The following SH3BP5 variants were observed in gnomAD, a reference collection of about 807,000 sequenced individuals.
SH3BP5 encodes the protein SH3 domain-binding protein 5.
Under a neutral mutation model 43.3 loss-of-function variants are expected in SH3BP5, and 22 were observed. The ratio of observed to expected loss-of-function variants is 0.51; its 90% CI spans 0.36 to 0.73. The LOEUF is 0.73. Ranked by LOEUF, SH3BP5 falls within the 30% of genes least tolerant of loss-of-function variation. The pLI, the probability that SH3BP5 is intolerant of heterozygous loss-of-function variation, is 0.00. For missense variants in SH3BP5, 529 were observed against 586.9 expected, an observed-to-expected ratio of 0.90 and a Z score of 1.02; for synonymous variants, 255 against 225.8, an observed-to-expected ratio of 1.13 and a Z score of -1.16.
chr3:15,255,641 G>GC lies in SH3BP5; in HGVS notation c.*444_*445insG, dbSNP rs1246101717. 1 of 153,636 alleles carries GC rather than the reference G, an allele frequency of 6.5e-6. No individual in the cohort carries two copies. The highest frequency in any genetic ancestry group is 1.4e-5 in the Non-Finnish European group (1 of 69,464). The allele number at this position is 153,636 out of a possible 1,614,324, so 9.5% of individuals were successfully genotyped here. On this transcript the variant is annotated 3_prime_UTR_variant, in exon 9 of 9. Transcript: ENST00000383791. The stretch of plus-strand genomic sequence containing the variant: ...CTCTTAATACTTGAGTTTTTGCTTT[G>GC]TGTGTGGGTTTTCTTTCTTTTTCAT...
intron 3 of SH3BP5, among the ~76,000 whole-genome samples, chr3:15,301,753 C>T (rs1000390618): frequency 4.6e-5 from 7 of 152,082 alleles, no homozygotes; most frequent in East Asian, 1.9e-4. Context: ...GGCAGGAGCA[C>T]GTTTCACATC....
At chr3:15,266,420 T>C (rs1175415486) in intron 4 of SH3BP5, among the ~76,000 whole-genome samples, 1 of 152,054 alleles carries the variant, frequency 6.6e-6, no homozygotes, top group African/African-American at 2.4e-5. Context: ...TTCGTGCCTC[T>C]CATTTCCAAG....
intron 2 of SH3BP5, among the ~76,000 whole-genome samples, chr3:15,317,241 G>A (rs1327073728): frequency 6.6e-6 from 1 of 152,184 alleles, no homozygotes; most frequent in Admixed American, 6.5e-5. Context: ...GAATCAGGGC[G>A]ATATGGCGAG....
In SH3BP5 at chr3:15,289,830, A is replaced by G. The variant is rs1440122325; in HGVS notation, c.330+14273T>C. Among the ~76,000 whole-genome samples, 51 of 152,292 alleles carry G rather than the reference A, an allele frequency of 3.3e-4. 2 individuals are homozygous for G. Among genetic ancestry groups the G allele is most frequent in the Admixed American group, 3.3e-3 (50 of 15,290 alleles). On this transcript the variant is annotated intron_variant, in intron 3 of 8. Transcript: ENST00000383791. ...CTGCTCTCAATAAAGGGCCCACTGT[A>G]GATACCTTCTACCACCTTGGATGAG...
At chr3:15,287,998 A>G (rs1697311444) in intron 3 of SH3BP5, among the ~76,000 whole-genome samples, 1 of 152,252 alleles carries the variant, frequency 6.6e-6, no homozygotes, top group African/African-American at 2.4e-5. Flanking sequence ...ATTTATTATA[A>G]GGAACTGGCT....
intron 3 of SH3BP5, among the ~76,000 whole-genome samples, chr3:15,283,214 A>G (rs763472048): frequency 1.3e-5 from 2 of 152,328 alleles, no homozygotes; most frequent in Non-Finnish European, 1.5e-5. Flanking sequence ...CCCGGCCAAC[A>G]TGGCAAAACC....
intron 2 of SH3BP5, among the ~76,000 whole-genome samples, chr3:15,311,982 G>C (rs2729685): frequency 0.78 from 118,876 of 152,126 alleles, 46,536 homozygotes; most frequent in Middle Eastern, 0.86. Flanking sequence ...CTTCAGTCTT[G>C]TAGTCCAGTG....
intron 3 of SH3BP5, among the ~76,000 whole-genome samples, chr3:15,302,041 G>C (rs2125109035): frequency 6.6e-6 from 1 of 152,248 alleles, no homozygotes; most frequent in East Asian, 1.9e-4. Context: ...TTCAGGAAAG[G>C]AGGTTTTCTG....
At chr3:15,287,685 TG>T (rs1335174524) in intron 3 of SH3BP5, among the ~76,000 whole-genome samples, 1 of 152,190 alleles carries the variant, frequency 6.6e-6, no homozygotes, top group African/African-American at 2.4e-5. Flanking sequence ...CTAGTCAGTC[TG>T]GGAAGAAAGA....
chr3:15,291,667 T>C (rs777553017), intron 3 of SH3BP5, among the ~76,000 whole-genome samples: 4 of 152,018 alleles, frequency 2.6e-5, no homozygotes, highest in Non-Finnish European at 4.4e-5. Context: ...AAGGGTGTAG[T>C]TCTGTCTCTC....
chr3:15,275,994 T>C (rs1575299288), intron 3 of SH3BP5: 1 of 109,156 alleles, frequency 9.2e-6, no homozygotes, highest in Non-Finnish European at 1.7e-5. Context: ...CACTCCAGCC[T>C]GGGCAACAAA....
chr3:15,287,688 G>A (rs999128944), intron 3 of SH3BP5, among the ~76,000 whole-genome samples: 1 of 152,186 alleles, frequency 6.6e-6, no homozygotes, highest in Non-Finnish European at 1.5e-5. Context: ...GTCAGTCTGG[G>A]AAGAAAGAAG....
At chr3:15,287,169 G>T (rs1697288564) in intron 3 of SH3BP5, among the ~76,000 whole-genome samples, 1 of 152,224 alleles carries the variant, frequency 6.6e-6, no homozygotes, top group Non-Finnish European at 1.5e-5. Context: ...GCAGAGAAAA[G>T]GCACGCAGTA....
chr3:15,335,303 A>G (rs1216174287), upstream of SH3BP5, among the ~76,000 whole-genome samples: 1 of 152,156 alleles, frequency 6.6e-6, no homozygotes, highest in African/African-American at 2.4e-5. Context: ...GCTTGAACCC[A>G]GGAGGCAGAG....
intron 2 of SH3BP5, among the ~76,000 whole-genome samples, chr3:15,326,790 G>A (rs537197770): frequency 5.9e-5 from 9 of 152,268 alleles, no homozygotes; most frequent in African/African-American, 1.7e-4. Flanking sequence ...TGGCCCATAA[G>A]GGAAGTGCAG....
At chr3:15,331,582 C>T (rs1575359428) in intron 1 of SH3BP5, among the ~76,000 whole-genome samples, 1 of 152,214 alleles carries the variant, frequency 6.6e-6, no homozygotes, top group East Asian at 1.9e-4. Context: ...GCACAGCCAG[C>T]CAGCCCAATC....
At chr3:15,330,750 G>C in intron 1 of SH3BP5, 184 bp from the exon 2 acceptor site, 1 of 985,338 alleles carries the variant, frequency 1.0e-6, no homozygotes, top group African/African-American at 1.7e-5. Context: ...CGGCATTTCT[G>C]AAACCATTTT....
At position 15,320,605 on chromosome 3, in the gene SH3BP5, AACAC is replaced by A. The variant is rs376414934; in HGVS notation, c.201+9895_201+9898del. ...ATAGAGGTTTAATTCATCCAGCCAA[AACAC>A]ACACACACACACACACACACACACA... On this transcript the variant is annotated intron_variant, in intron 2 of 8. Transcript: ENST00000383791. 7.9e-4 allele frequency among the ~76,000 whole-genome samples: 100 copies of A among 126,946 alleles called. 2 individuals carry two copies. The East Asian group carries it at 0.014, about 18-fold the overall frequency. 83.3% of individuals were successfully genotyped at this position (126,946 alleles called of 152,430 possible).
chr3:15,310,429 G>C (rs1698025864), intron 2 of SH3BP5, among the ~76,000 whole-genome samples: 2 of 152,184 alleles, frequency 1.3e-5, no homozygotes, highest in Admixed American at 6.5e-5. Flanking sequence ...TTTCTGTCTT[G>C]TTTCTTAAAG....
Sources: gnomAD v4.1 joint callset for allele counts (sites outside exome capture counted in the v4.1 genomes callset) on GRCh38, gnomAD v4.1.1 for gene constraint, MANE v1.5 for transcripts, NCBI Gene and HGNC (gene_info 2026-07-23, HGNC 2026-07-21) for gene names.